Variants in SCO1 observed in about 807,000 individuals in gnomAD.
SCO1 encodes the protein cytochrome c oxidase assembly factor SCO1.
Under a neutral mutation model 34.0 loss-of-function variants are expected in SCO1, and 23 were observed. The ratio of observed to expected loss-of-function variants is 0.68; its 90% CI spans 0.49 to 0.96. The LOEUF is 0.96. SCO1 is among the 40% of genes least tolerant of loss of function. SCO1 has a pLI of 0.00. For synonymous variants in SCO1, 161 were observed against 145.5 expected (o/e 1.11, Z -0.77); for missense variants, 404 against 381.6 (o/e 1.06, Z -0.49).
intron 5 of SCO1, among the ~76,000 whole-genome samples, chr17:10,686,020 G>A (rs1353597126): frequency 1.3e-5 from 2 of 151,966 alleles, no homozygotes; most frequent in African/African-American, 2.4e-5. Flanking sequence ...ACCACCTGAG[G>A]TCAGGAATTC....
At position 10,690,925 on chromosome 17, in the gene SCO1, T is replaced by C. The variant is rs190998689; in HGVS notation, c.655+947A>G. 2.4e-4 allele frequency among the ~76,000 whole-genome samples: 36 copies of C among 152,108 alleles called. No individual in the cohort carries two copies. The East Asian group carries it at 6.7e-3, about 29-fold the overall frequency. ...TGGAGGATACTATTAATATGTTAAATGAAAAAAGTCAGGCACAGAAAGATA... is the reference window on the plus strand; with the variant it reads ...TGGAGGATACTATTAATATGTTAAACGAAAAAAGTCAGGCACAGAAAGATA... On this transcript the variant is annotated intron_variant, in intron 4 of 5. Coordinates refer to ENST00000255390, the MANE Select transcript of SCO1 (RefSeq NM_004589.4).
At chr17:10,688,327 CG>C (rs2074669493) in intron 4 of SCO1, among the ~76,000 whole-genome samples, 1 of 152,064 alleles carries the variant, frequency 6.6e-6, no homozygotes, top group Non-Finnish European at 1.5e-5. Context: ...CCATAAAAAG[CG>C]GTCAAAAGAT....
rs56121112 is a variant in SCO1 at position 10,674,256 on chromosome 17, A to C, written c.*6863T>G. The C allele has an allele frequency of 0.46, 74,272 of 161,222 alleles. 17,277 individuals are homozygous for C. Among genetic ancestry groups the C allele is most frequent in the Non-Finnish European group, 0.47 (34,887 of 73,842 alleles). 10.0% of individuals were successfully genotyped at this position (161,222 alleles called of 1,614,324 possible). On this transcript the variant is annotated 3_prime_UTR_variant, in exon 6 of 6. Coordinates refer to ENST00000255390, the MANE Select transcript of SCO1 (RefSeq NM_004589.4). The stretch of plus-strand genomic sequence containing the variant: ...ATGGCGAGATCCTGTTTCTACTAAA[A>C]ATACAAAAATTACCATGCACGCCAC...
chr17:10,681,013 A>G lies in SCO1; in HGVS notation c.*106T>C. 7.5e-7 allele frequency: 1 copy of G among 1,325,702 alleles called. No individual in the cohort carries two copies. Among genetic ancestry groups the G allele is most frequent in the Non-Finnish European group, 1.1e-6 (1 of 920,468 alleles). The allele number at this position is 1,325,702 out of a possible 1,614,324, so 82.1% of individuals were successfully genotyped here. A position where few individuals can be genotyped will look rare whatever the true frequency, so the allele number is the denominator to read the frequency against. On this transcript the variant is annotated 3_prime_UTR_variant, in exon 6 of 6. Coordinates refer to ENST00000255390, the MANE Select transcript of SCO1 (RefSeq NM_004589.4). ...GAAATGTTCTCATGGTATGAAGGCC[A>G]TTCTGTAGAGTGCACGTATATATGT...
Position 10,673,488 on chromosome 17 carries a change from A to G in SCO1, c.*7631T>C, listed in dbSNP as rs2074560563. ...AAGGCCTGCCCTGCTTCGGGCACTGAACGCTTGCCTGTCTCCGTTAGGAAT... is the reference window on the plus strand; with the variant it reads ...AAGGCCTGCCCTGCTTCGGGCACTGGACGCTTGCCTGTCTCCGTTAGGAAT... On this transcript the variant is annotated 3_prime_UTR_variant, in exon 6 of 6. Transcript: ENST00000255390. The G allele has an allele frequency of 6.6e-6, 1 of 152,232 alleles. No homozygotes were observed. The highest frequency in any genetic ancestry group is 1.5e-5 in the Non-Finnish European group (1 of 68,066). 9.4% of individuals were successfully genotyped at this position (152,232 alleles called of 1,614,324 possible).
rs774148554 is a variant in SCO1, at chr17:10,681,119, C to G, written c.906G>C (p.Ter302TyrextTer58). 4 of 1,614,190 alleles carry G rather than the reference C, an allele frequency of 2.5e-6. No homozygotes were observed. In the Admixed American group the frequency reaches 6.7e-5, roughly 27 times the overall value. ...ACTGCATCCAGCAACACTGCTTTGGCTAGCTCTTTTTTCTGTATGGCCTCA... is the reference window on the plus strand; with the variant it reads ...ACTGCATCCAGCAACACTGCTTTGGGTAGCTCTTTTTTCTGTATGGCCTCA... ...THMRPYRKKS[*>Y] The change falls in exon 6 of 6, where the codon TAG (stop) becomes TAC (tyrosine). Residue 302 changes from the stop codon to tyrosine (Y), a stop_lost. Transcript: ENST00000255390.
chr17:10,676,372 T>C lies in SCO1; in HGVS notation c.*4747A>G, dbSNP rs542112276. On this transcript the variant is annotated 3_prime_UTR_variant, in exon 6 of 6. Coordinates refer to ENST00000255390, the MANE Select transcript of SCO1 (RefSeq NM_004589.4). ...TCCCAAAGTACTGGGATTACAGGCA[T>C]GAGCCACCGTGCCCAGCCAACTGTG... 5.3e-5 allele frequency: 8 copies of C among 152,360 alleles called. No individual in the cohort carries two copies. Among genetic ancestry groups the C allele is most frequent in the East Asian group, 1.9e-4 (1 of 5,182 alleles). 9.4% of individuals were successfully genotyped at this position (152,360 alleles called of 1,614,324 possible). A position where few individuals can be genotyped will look rare whatever the true frequency, so the allele number is the denominator to read the frequency against.
At chr17:10,693,102 G>A in intron 2 of SCO1, 141 bp from the exon 3 acceptor site, 1 of 686,946 alleles carries the variant, frequency 1.5e-6, no homozygotes, top group South Asian at 1.8e-5. Flanking sequence ...TTTTCAAGAA[G>A]CTAAAAAAAT....
chr17:10,696,101 C>G (rs1357044276), intron 1 of SCO1, among the ~76,000 whole-genome samples: 1 of 84,910 alleles, frequency 1.2e-5, no homozygotes, highest in Non-Finnish European at 2.4e-5. Flanking sequence ...AAAAAAAGCT[C>G]AAGTACCACG....
At position 10,673,802 on chromosome 17, in the gene SCO1, C is replaced by T. The variant is rs1162597061; in HGVS notation, c.*7317G>A. 6.6e-6 allele frequency: 1 copy of T among 152,162 alleles called. No individual in the cohort carries two copies. Among genetic ancestry groups the T allele is most frequent in the East Asian group, 1.9e-4 (1 of 5,194 alleles). 9.4% of individuals were successfully genotyped at this position (152,162 alleles called of 1,614,324 possible). On this transcript the variant is annotated 3_prime_UTR_variant, in exon 6 of 6. Transcript: ENST00000255390. The stretch of plus-strand genomic sequence containing the variant: ...GCTTTTTGATCATATTATAACAACT[C>T]GATGGAGAAACGCTTGGTATACTGT...
rs1309077168 is a variant in SCO1, at chr17:10,676,903, T to C, written c.*4216A>G. ...TAATTACCCCTATAAGGTCTAAAGG[T>C]GTTATTAAGGAATATGTGGCTAAAG... On this transcript the variant is annotated 3_prime_UTR_variant, in exon 6 of 6. Transcript: ENST00000255390. 1 of 152,268 alleles carries C rather than the reference T, an allele frequency of 6.6e-6. No individual in the cohort carries two copies. The highest frequency in any genetic ancestry group is 1.9e-4 in the East Asian group (1 of 5,184). 9.4% of individuals were successfully genotyped at this position (152,268 alleles called of 1,614,324 possible). A position where few individuals can be genotyped will look rare whatever the true frequency, so the allele number is the denominator to read the frequency against.
Position 10,694,504 on chromosome 17 carries a change from G to A in SCO1, c.364+1237C>T, listed in dbSNP as rs530084233. On this transcript the variant is annotated intron_variant, in intron 2 of 5. Coordinates refer to ENST00000255390, the MANE Select transcript of SCO1 (RefSeq NM_004589.4). ...ACTGAACAGCAGCAAAATTATCAGC[G>A]TCAATTTTCTAATTTTGATGGTTGT... 1.3e-4 allele frequency among the ~76,000 whole-genome samples: 20 copies of A among 152,220 alleles called. No homozygotes were observed. The South Asian group carries it at 2.9e-3, about 22-fold the overall frequency.
At chr17:10,691,711 C>G (rs1328671864) in intron 4 of SCO1, among the ~76,000 whole-genome samples, 161 bp downstream of exon 4, 1 of 152,198 alleles carries the variant, frequency 6.6e-6, no homozygotes, top group African/African-American at 2.4e-5. Context: ...TACTTACGCA[C>G]TAACTATCCA....
Position 10,675,426 on chromosome 17 carries a change from C to A in SCO1, c.*5693G>T, listed in dbSNP as rs2074574482. 1 of 152,280 alleles carries A rather than the reference C, an allele frequency of 6.6e-6. No individual in the cohort carries two copies. 9.4% of individuals were successfully genotyped at this position (152,280 alleles called of 1,614,324 possible). On this transcript the variant is annotated 3_prime_UTR_variant, in exon 6 of 6. Transcript: ENST00000255390. ...ATCACAGACTTGCTTTCTTTCAAGA[C>A]TGCCTTTTGCAGGGACTCTTTTTCC...
intron 4 of SCO1, among the ~76,000 whole-genome samples, chr17:10,687,757 A>G (rs906415207): frequency 6.6e-6 from 1 of 152,216 alleles, no homozygotes; most frequent in Non-Finnish European, 1.5e-5. Context: ...CCAAAATGCA[A>G]CTAGTAATGA....
rs2074577020 is a variant in SCO1, at chr17:10,675,861, A to G, written c.*5258T>C. ...TTGGCGGGGAGGGTTGTCTTTCCCT[A>G]GGGTTGTGTCTTCCTTGAACTGGGT... On this transcript the variant is annotated 3_prime_UTR_variant, in exon 6 of 6. Coordinates refer to ENST00000255390, the MANE Select transcript of SCO1 (RefSeq NM_004589.4). The G allele has an allele frequency of 6.6e-6, 1 of 152,142 alleles. No individual in the cohort carries two copies. Among genetic ancestry groups the G allele is most frequent in the Non-Finnish European group, 1.5e-5 (1 of 68,022 alleles). 9.4% of individuals were successfully genotyped at this position (152,142 alleles called of 1,614,324 possible).
At position 10,697,483 on chromosome 17, in the gene SCO1, C is replaced by T. The variant is rs767509851; in HGVS notation, c.25G>A (p.Gly9Arg). 6.2e-7 allele frequency: 1 copy of T among 1,613,362 alleles called. No homozygotes were observed. Among genetic ancestry groups the T allele is most frequent in the Non-Finnish European group, 8.5e-7 (1 of 1,179,944 alleles). ...CCACCCAGAGGCCGCATAACTCGTC[C>T]GGGTACTAGGACCAGCATCGCCATG... MAMLVLVP[G>R]RVMRPLGGQL... Residue 9 changes from glycine to arginine, a missense_variant, in exon 1 of 6, where the codon GGA (glycine) becomes AGA (arginine). By Grantham distance (125) the Gly-to-Arg change is moderately radical. Transcript: ENST00000255390.
At position 10,680,919 on chromosome 17, in the gene SCO1, G is replaced by T; in HGVS notation, c.*200C>A. The T allele has an allele frequency of 1.6e-6, 1 of 642,204 alleles. No individual in the cohort carries two copies. Among genetic ancestry groups the T allele is most frequent in the Non-Finnish European group, 2.7e-6 (1 of 370,066 alleles). 39.8% of individuals were successfully genotyped at this position (642,204 alleles called of 1,614,324 possible). ...CCCCACAGCTTCCTGGGAGACTTTG[G>T]GTTGTAATCTTTACAGTTCCAAGAA... is the stretch of plus-strand genomic sequence containing the variant. On this transcript the variant is annotated 3_prime_UTR_variant, in exon 6 of 6. Transcript: ENST00000255390.
At chr17:10,683,117 C>T (rs1023040061) in intron 5 of SCO1, among the ~76,000 whole-genome samples, 5 of 152,194 alleles carry the variant, frequency 3.3e-5, no homozygotes, top group African/African-American at 9.7e-5. Context: ...CCCCTCTTCA[C>T]ACCCAGAGTG....
Sources: gnomAD v4.1 joint callset for allele counts (sites outside exome capture counted in the v4.1 genomes callset) on GRCh38, gnomAD v4.1.1 for gene constraint, MANE v1.5 for transcripts, NCBI Gene and HGNC (gene_info 2026-07-23, HGNC 2026-07-21) for gene names.